The following DENND3 variants were observed in gnomAD, a reference collection of about 807,000 sequenced individuals.
DENND3 encodes the protein DENN domain-containing protein 3.
Under a neutral mutation model 135.1 loss-of-function variants are expected in DENND3, and 88 were observed. That is an observed-to-expected ratio of 0.65 (90% CI 0.55 to 0.78). DENND3 has a LOEUF of 0.78. Ranked by LOEUF, DENND3 falls within the 30% of genes least tolerant of loss-of-function variation. The pLI is 0.00. For missense variants in DENND3, 1,392 were observed against 1,688.4 expected, an observed-to-expected ratio of 0.82 and a Z score of 3.08; for synonymous variants, 693 against 712.3, an observed-to-expected ratio of 0.97 and a Z score of 0.43.
intron 7 of DENND3, among the ~76,000 whole-genome samples, chr8:141,155,489 A>G (rs920464458): frequency 2.6e-5 from 4 of 151,640 alleles, no homozygotes; most frequent in Non-Finnish European, 1.5e-5. Flanking sequence ...CTGCGGCCTC[A>G]ACCTCCTGGG....
rs201427766 is a variant in DENND3, at chr8:141,168,331, C to T, written c.2081C>T (p.Ala694Val). ...CCTGAGTGGGAGGGGGCTGAGCAGG[C>T]GCCGGAGCTGATGAGGCTCATCAGC... Reference protein sequence around the residue: ...SAPEWEGAEQAPELMRLISEI... With the variant: ...SAPEWEGAEQVPELMRLISEI... Residue 694 changes from alanine to valine, a missense_variant, in exon 13 of 23, where the codon GCG becomes GTG. Coordinates refer to ENST00000519811, the MANE Select transcript of DENND3 (RefSeq NM_001352890.3). This position sits in a 1 kb window ranked among gnomAD's most constrained non-coding sequence, Gnocchi z 6.2. 1,871 of 1,613,914 alleles carry T rather than the reference C, an allele frequency of 1.2e-3. 34 individuals carry two copies. In the South Asian group the frequency reaches 0.019, roughly 17 times the overall value.
chr8:141,187,727 C>T (rs2154613516), intron 18 of DENND3, among the ~76,000 whole-genome samples: 1 of 152,080 alleles, frequency 6.6e-6, no homozygotes, highest in East Asian at 1.9e-4. Flanking sequence ...TAAATCATTT[C>T]CCCCCATATT....
intron 13 of DENND3, among the ~76,000 whole-genome samples, chr8:141,169,280 C>T (rs561045306): frequency 1.3e-5 from 2 of 152,386 alleles, no homozygotes; most frequent in South Asian, 2.1e-4. Flanking sequence ...TGGGCACTTA[C>T]CTGGGAACGG....
Position 141,176,655 on chromosome 8 carries a change from C to T in DENND3, c.2600C>T (p.Ala867Val), listed in dbSNP as rs369498373. ...RRIPTLKIRV[A>V]SKKEVFEANL... ...ATACCCACTTTAAAAATCAGAGTGGCGTCCAAGAAAGAAGTCTTCGAAGCC... is the reference window on the plus strand; with the variant it reads ...ATACCCACTTTAAAAATCAGAGTGGTGTCCAAGAAAGAAGTCTTCGAAGCC... The change falls in exon 15 of 23, where the codon GCG becomes GTG. Residue 867 changes from alanine (A) to valine (V), a missense_variant. Physicochemically the swap from Ala to Val is moderately conservative, Grantham distance 64. Coordinates refer to ENST00000519811, the MANE Select transcript of DENND3 (RefSeq NM_001352890.3). 1.6e-4 allele frequency: 259 copies of T among 1,614,122 alleles called. No homozygotes were observed. Among genetic ancestry groups the T allele is most frequent in the Non-Finnish European group, 2.1e-4 (243 of 1,180,050 alleles).
At chr8:141,147,795 C>A (rs552685439) in intron 5 of DENND3, among the ~76,000 whole-genome samples, 5 of 152,354 alleles carry the variant, frequency 3.3e-5, no homozygotes, top group Admixed American at 6.5e-5. Context: ...CAGCCGGGCC[C>A]GCACAGAGCT....
Position 141,166,777 on chromosome 8 carries a change from G to C in DENND3, c.1753+388G>C, listed in dbSNP as rs1264512670. ...AGCCGGAGCTGTGAAGGAGCCCAGTGCCCCTGCCCTCGTGGAGCTGGCATT... is the reference window on the plus strand; with the variant it reads ...AGCCGGAGCTGTGAAGGAGCCCAGTCCCCCTGCCCTCGTGGAGCTGGCATT... On this transcript the variant is annotated intron_variant, in intron 12 of 22. Coordinates refer to ENST00000519811, the MANE Select transcript of DENND3 (RefSeq NM_001352890.3). This position sits in a 1 kb window ranked among gnomAD's most constrained non-coding sequence, Gnocchi z 4.3. 6.6e-6 allele frequency among the ~76,000 whole-genome samples: 1 copy of C among 152,218 alleles called. No homozygotes were observed. The highest frequency in any genetic ancestry group is 2.4e-5 in the African/African-American group (1 of 41,450).
In DENND3 at chr8:141,150,855, C is replaced by G; in HGVS notation, c.757C>G (p.Gln253Glu). 6.2e-7 allele frequency: 1 copy of G among 1,605,066 alleles called. No individual in the cohort carries two copies. Among genetic ancestry groups the G allele is most frequent in the Non-Finnish European group, 8.5e-7 (1 of 1,177,370 alleles). ...GTAGGTATTTAACATGAAGTCGCTC[C>G]AGATTGTGTTACCTGCCCGAGCAGA... ...LHLVFNMKSLQIVLPARADPE... is the reference protein window; with the variant it reads ...LHLVFNMKSLEIVLPARADPE... Residue 253 changes from glutamine to glutamate, a missense_variant, in exon 6 of 23, where the codon CAG (glutamine) becomes GAG (glutamate). Gln to Glu is a conservative substitution (Grantham distance 29, BLOSUM62 2). Coordinates refer to ENST00000519811, the MANE Select transcript of DENND3 (RefSeq NM_001352890.3).
intron 5 of DENND3, among the ~76,000 whole-genome samples, chr8:141,148,259 G>A (rs1818391530): frequency 6.6e-6 from 1 of 152,068 alleles, no homozygotes; most frequent in Admixed American, 6.5e-5. Flanking sequence ...GAGGAGGGAG[G>A]GGGCCCCATG....
intron 9 of DENND3, among the ~76,000 whole-genome samples, chr8:141,161,683 C>T (rs965826836): frequency 1.3e-4 from 20 of 152,180 alleles, no homozygotes; most frequent in Non-Finnish European, 2.6e-4. Context: ...GAGGCACCCC[C>T]GATGCTGGCC....
intron 11 of DENND3, 104 bp downstream of exon 11, chr8:141,165,393 C>A: frequency 1.2e-6 from 1 of 867,050 alleles, no homozygotes; most frequent in Non-Finnish European, 1.8e-6. Context: ...ATGGGAAATA[C>A]CTTGTGCTTA....
chr8:141,140,681 C>T (rs1817338610), intron 3 of DENND3, among the ~76,000 whole-genome samples: 1 of 152,240 alleles, frequency 6.6e-6, no homozygotes, highest in Admixed American at 6.5e-5. Context: ...TCATGCCCTT[C>T]CATCCCTACA....
intron 17 of DENND3, chr8:141,184,803 T>A: frequency 4.8e-6 from 1 of 206,326 alleles, no homozygotes; most frequent in South Asian, 1.3e-4. Context: ...GTCCACCTGC[T>A]CCTCTTCCAG....
chr8:141,194,326 C>A lies in DENND3; in HGVS notation c.*93C>A. The stretch of plus-strand genomic sequence containing the variant: ...CAGGAGCAGAAGCCTGGAGGGGTGG[C>A]AGGGCAGAGCAGCCCAGGCTCAGCA... On this transcript the variant is annotated 3_prime_UTR_variant, in exon 23 of 23. Transcript: ENST00000519811. 7.0e-7 allele frequency: 1 copy of A among 1,432,674 alleles called. No individual in the cohort carries two copies. The highest frequency in any genetic ancestry group is 1.3e-5 in the South Asian group (1 of 76,802). 88.7% of individuals were successfully genotyped at this position (1,432,674 alleles called of 1,614,324 possible).
At position 141,174,710 on chromosome 8, in the gene DENND3, G is replaced by A. The variant is rs1318986833; in HGVS notation, c.2276-490G>A. Among the ~76,000 whole-genome samples the A allele has an allele frequency of 1.3e-5, 2 of 152,058 alleles. No homozygotes were observed. Among genetic ancestry groups the A allele is most frequent in the Non-Finnish European group, 1.5e-5 (1 of 67,982 alleles). On this transcript the variant is annotated intron_variant, in intron 13 of 22. Transcript: ENST00000519811. This position sits in a 1 kb window ranked among gnomAD's most constrained non-coding sequence, Gnocchi z 4.6. ...CTGGTAACCAAAGAGTGTGGAGGTCGGGCCAGTTACAGGAGAGGCCGACCC... is the reference window on the plus strand; with the variant it reads ...CTGGTAACCAAAGAGTGTGGAGGTCAGGCCAGTTACAGGAGAGGCCGACCC...
chr8:141,164,327 A>T (rs1414744442), intron 10 of DENND3, among the ~76,000 whole-genome samples: 1 of 152,256 alleles, frequency 6.6e-6, no homozygotes, highest in Non-Finnish European at 1.5e-5. Context: ...ATTACAAAAA[A>T]ATAATCACCT....
chr8:141,175,048 T>A lies in DENND3; in HGVS notation c.2276-152T>A. 1.1e-6 allele frequency: 1 copy of A among 871,274 alleles called. No homozygotes were observed. Among genetic ancestry groups the A allele is most frequent in the Non-Finnish European group, 1.8e-6 (1 of 562,458 alleles). 54.0% of individuals were successfully genotyped at this position (871,274 alleles called of 1,614,324 possible). Reference sequence around the variant, plus strand: ...GCTGCAGGGAAGGCCCTGGGAAACCTTCTAGGCAGTTTCCATCCAGCGCCC... The same window carrying A: ...GCTGCAGGGAAGGCCCTGGGAAACCATCTAGGCAGTTTCCATCCAGCGCCC... On this transcript the variant is annotated intron_variant, in intron 13 of 22. Coordinates refer to ENST00000519811, the MANE Select transcript of DENND3 (RefSeq NM_001352890.3). This position sits in a 1 kb window ranked among gnomAD's most constrained non-coding sequence, Gnocchi z 5.4.
At position 141,137,331 on chromosome 8, in the gene DENND3, C is replaced by T. The variant is rs752304444; in HGVS notation, c.385+540C>T. Among the ~76,000 whole-genome samples, 11 of 152,274 alleles carry T rather than the reference C, an allele frequency of 7.2e-5. No individual in the cohort carries two copies. The highest frequency in any genetic ancestry group is 1.2e-4 in the African/African-American group (5 of 41,536). ...AAATGTAAATCATTGCGTGTGGTCC[C>T]GGTGTTTTGGAGAATTGAGTCCTGG... On this transcript the variant is annotated intron_variant, in intron 2 of 22. Transcript: ENST00000519811. This position sits in a 1 kb window ranked among gnomAD's most constrained non-coding sequence, Gnocchi z 4.1.
chr8:141,133,440 A>T (rs1234134460), intron 1 of DENND3, among the ~76,000 whole-genome samples: 1 of 152,070 alleles, frequency 6.6e-6, no homozygotes, highest in Non-Finnish European at 1.5e-5. Flanking sequence ...TGGGGCCACA[A>T]AGTATCTGGT....
chr8:141,163,242 C>G, intron 9 of DENND3, 91 bp from the exon 10 acceptor site: 1 of 644,920 alleles, frequency 1.6e-6, no homozygotes, highest in Non-Finnish European at 2.7e-6. Context: ...AAGTTCGTAT[C>G]TCTTCTAACC....
Sources: gnomAD v4.1 joint callset for allele counts (sites outside exome capture counted in the v4.1 genomes callset) on GRCh38, gnomAD v4.1.1 for gene constraint, Gnocchi (gnomAD v3.1) non-coding constraint, MANE v1.5 for transcripts, NCBI Gene and HGNC (gene_info 2026-07-23, HGNC 2026-07-21) for gene names.